The following FAM151B variants were observed in gnomAD, a reference collection of about 807,000 sequenced individuals.
FAM151B encodes the protein protein FAM151B.
A neutral mutation model predicts 31.2 loss-of-function variants in FAM151B; 24 were observed. The ratio of observed to expected loss-of-function variants is 0.77; its 90% CI spans 0.56 to 1.08. FAM151B has a LOEUF of 1.08. FAM151B is among the 50% of genes least tolerant of loss of function. The probability of loss-of-function intolerance (pLI) is 0.00; values close to 1 mark genes in which losing one functional copy is unlikely to be tolerated. For synonymous variants in FAM151B, 105 were observed against 111.4 expected (o/e 0.94, Z 0.36); for missense variants, 293 against 328.6 (o/e 0.89, Z 0.84).
chr5:80,537,449 C>A (rs558398330), intron 5 of FAM151B, among the ~76,000 whole-genome samples: 3 of 152,304 alleles, frequency 2.0e-5, no homozygotes, highest in African/African-American at 7.2e-5. Flanking sequence ...TGCGTCTATT[C>A]TCAGATTTTG....
intron 1 of FAM151B, among the ~76,000 whole-genome samples, chr5:80,496,717 T>G (rs1232124559): frequency 6.6e-6 from 1 of 151,746 alleles, no homozygotes; most frequent in Non-Finnish European, 1.5e-5. Context: ...ATAAAAGCAA[T>G]TTTTAAATTA....
At chr5:80,501,032 G>C in intron 1 of FAM151B, 1 of 503,836 alleles carries the variant, frequency 2.0e-6, no homozygotes, top group Non-Finnish European at 3.6e-6. Context: ...TTTTATTTTT[G>C]AGACAGAGTC....
At chr5:80,507,866 G>T (rs1006060092) in intron 2 of FAM151B, among the ~76,000 whole-genome samples, 2 of 152,074 alleles carry the variant, frequency 1.3e-5, no homozygotes, top group African/African-American at 4.8e-5. Context: ...GCATGGCTAC[G>T]CTCCCTCCTC....
At position 80,541,809 on chromosome 5, in the gene FAM151B, A is replaced by T; in HGVS notation, c.808A>T (p.Ile270Phe). ...ACAAAACCATGAATTTAAACAAGCC[A>T]TTGGAATCAAAGTTAATCTCTAAGA... is the stretch of plus-strand genomic sequence containing the variant. ...EPQNHEFKQA[I>F]GIKVNL Residue 270 changes from isoleucine to phenylalanine, a missense_variant, in exon 6 of 6, where the codon ATT (isoleucine) becomes TTT (phenylalanine). Ile to Phe is a conservative substitution (Grantham distance 21). Transcript: ENST00000282226. The T allele has an allele frequency of 1.2e-6, 2 of 1,612,752 alleles. No individual in the cohort carries two copies. The highest frequency in any genetic ancestry group is 1.7e-6 in the Non-Finnish European group (2 of 1,179,564).
intron 2 of FAM151B, among the ~76,000 whole-genome samples, chr5:80,506,818 GT>G (rs557498486): frequency 7.7e-4 from 117 of 152,186 alleles, no homozygotes; most frequent in African/African-American, 2.8e-3. Context: ...TTGAGAGATT[GT>G]TTTGATTTGT....
chr5:80,499,283 A>T (rs183874509), intron 1 of FAM151B, among the ~76,000 whole-genome samples: 1 of 152,316 alleles, frequency 6.6e-6, no homozygotes, highest in East Asian at 1.9e-4. Context: ...TGGTTAACTC[A>T]CAAGTTTTAA....
rs372277066 is a variant in FAM151B, at chr5:80,541,667, A to G, written c.672-6A>G. The G allele has an allele frequency of 6.8e-6, 11 of 1,612,436 alleles. No individual in the cohort carries two copies. The highest frequency in any genetic ancestry group is 5.3e-5 in the African/African-American group (4 of 74,860). ...AACTGTATAATTCTGTTTTATTTCA[A>G]TGCAGGTACAGCCTGACTATTTGGA... On this transcript the variant is annotated splice_polypyrimidine_tract_variant and splice_region_variant and intron_variant, in intron 5 of 5. Coordinates refer to ENST00000282226, the MANE Select transcript of FAM151B (RefSeq NM_205548.3).
intron 5 of FAM151B, among the ~76,000 whole-genome samples, chr5:80,538,886 C>T (rs1480650179): frequency 6.6e-6 from 1 of 152,060 alleles, no homozygotes; most frequent in Non-Finnish European, 1.5e-5. Flanking sequence ...GCGTGGGCCA[C>T]CGTGTCTGGT....
intron 1 of FAM151B, chr5:80,501,319 C>G: frequency 8.8e-7 from 1 of 1,137,012 alleles, no homozygotes; most frequent in African/African-American, 1.6e-5. Context: ...CGCGCCCGGC[C>G]GAGAGACCAC....
At chr5:80,521,557 C>T (rs1283178923) in intron 4 of FAM151B, among the ~76,000 whole-genome samples, 1 of 152,104 alleles carries the variant, frequency 6.6e-6, no homozygotes, top group Admixed American at 6.6e-5. Flanking sequence ...TTGATGTTAA[C>T]TATCACTTAA....
chr5:80,512,785 A>C (rs1744241088), intron 2 of FAM151B, among the ~76,000 whole-genome samples: 1 of 151,842 alleles, frequency 6.6e-6, no homozygotes, highest in Non-Finnish European at 1.5e-5. Flanking sequence ...GTTTCTAAAA[A>C]AAAAAAAAAA....
intron 3 of FAM151B, chr5:80,518,633 G>A (rs985404774): frequency 1.3e-5 from 2 of 152,302 alleles, no homozygotes; most frequent in African/African-American, 2.4e-5. Flanking sequence ...CGTACCACAT[G>A]GCAGCAGAGG....
intron 1 of FAM151B, among the ~76,000 whole-genome samples, chr5:80,497,437 A>T (rs1743588069): frequency 6.6e-6 from 1 of 151,442 alleles, no homozygotes; most frequent in African/African-American, 2.4e-5. Context: ...AAACAAAAAC[A>T]ATAAAAAAAC....
intron 5 of FAM151B, among the ~76,000 whole-genome samples, chr5:80,524,665 A>T (rs1344780982): frequency 6.6e-6 from 1 of 152,176 alleles, no homozygotes; most frequent in East Asian, 1.9e-4. Context: ...TTAAAAACTT[A>T]GCACTGAAAT....
At chr5:80,517,237 A>G (rs1744491890) in intron 3 of FAM151B, among the ~76,000 whole-genome samples, 1 of 152,116 alleles carries the variant, frequency 6.6e-6, no homozygotes, top group Non-Finnish European at 1.5e-5. Context: ...CTAATCTCTT[A>G]CTGTGACTAA....
At chr5:80,533,688 T>G (rs1258141476) in intron 5 of FAM151B, among the ~76,000 whole-genome samples, 1 of 133,610 alleles carries the variant, frequency 7.5e-6, no homozygotes, top group Non-Finnish European at 1.5e-5. Flanking sequence ...CAGCAGAGAT[T>G]GCAGTGAGCC....
intron 2 of FAM151B, chr5:80,505,946 C>T (rs1380388758): frequency 3.7e-5 from 9 of 246,320 alleles, no homozygotes; most frequent in African/African-American, 9.3e-5. Context: ...TTTGTAGAGA[C>T]GAGATTTCAC....
chr5:80,498,955 C>A, intron 1 of FAM151B: 1 of 226,120 alleles, frequency 4.4e-6, no homozygotes. Context: ...TGGTCTTCCC[C>A]GGAAGGGTTT....
At chr5:80,500,090 C>G (rs1169263682) in intron 1 of FAM151B, 1 of 244,170 alleles carries the variant, frequency 4.1e-6, no homozygotes, top group Non-Finnish European at 7.9e-6. Flanking sequence ...GAGAACTTAC[C>G]ATTTTCCACA....
Sources: allele counts gnomAD v4.1 joint callset (sites outside exome capture counted in the v4.1 genomes callset), GRCh38; gene constraint gnomAD v4.1.1; transcripts MANE v1.5; gene names NCBI Gene and HGNC (gene_info 2026-07-23, HGNC 2026-07-21).